The following MYO3B variants were observed in gnomAD, a reference collection of about 807,000 sequenced individuals.
The protein encoded by MYO3B is myosin IIIB, also known as myosin-IIIb.
MYO3B carries 156 observed loss-of-function variants against 174.6 expected under a neutral mutation model. That is an observed-to-expected ratio of 0.89 (90% CI 0.78 to 1.02). The LOEUF is 1.02. MYO3B is among the 50% of genes least tolerant of loss of function. The probability of loss-of-function intolerance (pLI) is 0.00; values close to 1 mark genes in which losing one functional copy is unlikely to be tolerated. For synonymous variants in MYO3B, 563 were observed against 569.1 expected, an observed-to-expected ratio of 0.99 and a Z score of 0.15; for missense variants, 1,632 against 1,639.4, an observed-to-expected ratio of 1.00 and a Z score of 0.08.
intron 9 of MYO3B, among the ~76,000 whole-genome samples, chr2:170,374,409 T>A (rs1163507566): frequency 6.6e-6 from 1 of 152,048 alleles, no homozygotes; most frequent in African/African-American, 2.4e-5. Context: ...AGAACTGAGA[T>A]CCTAGGAACT....
chr2:170,229,746 A>G (rs2105282112), intron 6 of MYO3B, among the ~76,000 whole-genome samples: 1 of 152,330 alleles, frequency 6.6e-6, no homozygotes, highest in South Asian at 2.1e-4. Flanking sequence ...GACTGTTTTT[A>G]TCCCTTTCAC....
intron 22 of MYO3B, among the ~76,000 whole-genome samples, chr2:170,408,751 C>T (rs1178460424): frequency 1.0e-5 from 1 of 97,008 alleles, no homozygotes; most frequent in African/African-American, 3.6e-5. Flanking sequence ...GAATGAAAAG[C>T]CTGGCTAAGA....
chr2:170,227,862 A>G (rs2092969084), intron 6 of MYO3B, among the ~76,000 whole-genome samples: 1 of 152,074 alleles, frequency 6.6e-6, no homozygotes. Context: ...TCTATCCCCT[A>G]CTAGCTGTGG....
chr2:170,476,015 G>A (rs1345404135), intron 25 of MYO3B, among the ~76,000 whole-genome samples: 1 of 152,140 alleles, frequency 6.6e-6, no homozygotes, highest in Non-Finnish European at 1.5e-5. Context: ...TTTTCCCTGG[G>A]AGGTTAACTT....
chr2:170,620,700 T>G (rs561140778), intron 32 of MYO3B, among the ~76,000 whole-genome samples: 261 of 152,238 alleles, frequency 1.7e-3, no homozygotes, highest in African/African-American at 6.1e-3. Context: ...GTGCACACAG[T>G]GGATTTGTGT....
At chr2:170,283,511 T>C (rs1396961966) in intron 7 of MYO3B, among the ~76,000 whole-genome samples, 1 of 152,184 alleles carries the variant, frequency 6.6e-6, no homozygotes, top group Admixed American at 6.5e-5. Context: ...TCCCCTATAG[T>C]GTTTAAATTT....
At chr2:170,230,987 T>C (rs1175382472) in intron 6 of MYO3B, among the ~76,000 whole-genome samples, 1 of 152,200 alleles carries the variant, frequency 6.6e-6, no homozygotes, top group Non-Finnish European at 1.5e-5. Flanking sequence ...GAGGTGAAAG[T>C]CTCTTCGTGA....
At chr2:170,618,512 C>CT (rs1178159705) in intron 32 of MYO3B, among the ~76,000 whole-genome samples, 1 of 152,126 alleles carries the variant, frequency 6.6e-6, no homozygotes, top group Non-Finnish European at 1.5e-5. Context: ...GCAAATTTCT[C>CT]TGTCTCGTTG....
intron 7 of MYO3B, among the ~76,000 whole-genome samples, chr2:170,303,593 C>A (rs931923373): frequency 1.3e-5 from 2 of 151,644 alleles, no homozygotes; most frequent in East Asian, 3.9e-4. Flanking sequence ...AGCCTAGTAC[C>A]CATTAGTTAT....
chr2:170,355,386 C>CA (rs1160436992), intron 8 of MYO3B, among the ~76,000 whole-genome samples: 2 of 152,024 alleles, frequency 1.3e-5, no homozygotes, highest in Admixed American at 6.5e-5. Context: ...TAGTCTTTAC[C>CA]AAAAGAACAA....
chr2:170,628,155 C>T lies in MYO3B; in HGVS notation c.3734-23473C>T, dbSNP rs1245325698. 2.6e-5 allele frequency among the ~76,000 whole-genome samples: 4 copies of T among 152,216 alleles called. No individual in the cohort carries two copies. The East Asian group carries it at 7.7e-4, about 29-fold the overall frequency. ...GACCTGCCTCCAGAGATGGAGTCTA[C>T]AGAGGCAGGCAGGCCTCCTTGAGCT... On this transcript the variant is annotated intron_variant, in intron 32 of 34. Coordinates refer to ENST00000408978, the MANE Select transcript of MYO3B (RefSeq NM_138995.5).
chr2:170,452,025 G>C (rs1231543422), intron 23 of MYO3B, among the ~76,000 whole-genome samples: 1 of 152,170 alleles, frequency 6.6e-6, no homozygotes, highest in African/African-American at 2.4e-5. Flanking sequence ...TCATCTCTCA[G>C]TGGAAGGTGG....
intron 17 of MYO3B, among the ~76,000 whole-genome samples, chr2:170,400,657 C>T (rs903873302): frequency 3.9e-4 from 52 of 131,920 alleles, no homozygotes; most frequent in East Asian, 1.4e-3. Context: ...CCCCCCCCCC[C>T]TCGGCCTCCC....
At chr2:170,198,066 A>G (rs1331910591) in intron 1 of MYO3B, among the ~76,000 whole-genome samples, 1 of 150,676 alleles carries the variant, frequency 6.6e-6, no homozygotes, top group Middle Eastern at 3.2e-3. Flanking sequence ...CTGAAAAGAT[A>G]TGGGTGAATG....
chr2:170,635,581 T>G (rs1265782365), intron 32 of MYO3B, among the ~76,000 whole-genome samples: 1 of 152,148 alleles, frequency 6.6e-6, no homozygotes, highest in Non-Finnish European at 1.5e-5. Context: ...ACCTGCACAT[T>G]GTGTACATGT....
intron 32 of MYO3B, among the ~76,000 whole-genome samples, chr2:170,595,776 CTCCAGCTCCAAAGAGCA>C (rs1336937703): frequency 6.6e-6 from 1 of 152,110 alleles, no homozygotes; most frequent in African/African-American, 2.4e-5. Flanking sequence ...ATCCAAGGTC[CTCCAGCTCCAAAGAGCA>C]TGCCATCTGT....
chr2:170,501,499 C>T (rs1687265999), intron 27 of MYO3B, among the ~76,000 whole-genome samples: 1 of 152,186 alleles, frequency 6.6e-6, no homozygotes, highest in Non-Finnish European at 1.5e-5. Context: ...GAAACCATCT[C>T]ACCTGGAGTA....
chr2:170,179,032 A>G (rs1279829346), intron 1 of MYO3B, among the ~76,000 whole-genome samples: 1 of 152,104 alleles, frequency 6.6e-6, no homozygotes, highest in African/African-American at 2.4e-5. Flanking sequence ...CAACCTAGAG[A>G]TCATTGGATT....
intron 6 of MYO3B, among the ~76,000 whole-genome samples, chr2:170,229,505 A>G (rs1345027427): frequency 1.3e-5 from 2 of 152,256 alleles, no homozygotes; most frequent in Non-Finnish European, 2.9e-5. Context: ...TTTTAATGAC[A>G]TTTAAAAATA....
Sources: gnomAD v4.1 joint callset for allele counts (sites outside exome capture counted in the v4.1 genomes callset) on GRCh38, gnomAD v4.1.1 for gene constraint, MANE v1.5 for transcripts, NCBI Gene and HGNC (gene_info 2026-07-23, HGNC 2026-07-21) for gene names.